Variants in VIPAS39 observed in about 807,000 individuals in gnomAD.
VIPAS39 encodes VPS33B interacting protein, apical-basolateral polarity regulator, spe-39 homolog.
VIPAS39 carries 63 observed loss-of-function variants against 84.7 expected under a neutral mutation model. The observed-to-expected ratio is 0.74, with a 90% CI of 0.61 to 0.92. The LOEUF (loss-of-function observed/expected upper bound fraction) is 0.92. Among genes scored for constraint, VIPAS39 ranks in the 40% least tolerant of loss-of-function variants. The pLI is 0.00. For missense variants in VIPAS39, 499 were observed against 604.5 expected (o/e 0.83, Z 1.83); for synonymous variants, 192 against 216.5 (o/e 0.89, Z 0.99).
chr14:77,447,383 G>A (rs1458460163), intron 7 of VIPAS39, among the ~76,000 whole-genome samples: 1 of 150,520 alleles, frequency 6.6e-6, no homozygotes, highest in Non-Finnish European at 1.5e-5. Flanking sequence ...TCACTATGTT[G>A]CCCAGCCTAG....
chr14:77,437,298 C>G (rs112581788), intron 12 of VIPAS39, among the ~76,000 whole-genome samples: 2 of 152,150 alleles, frequency 1.3e-5, no homozygotes, highest in African/African-American at 4.8e-5. Flanking sequence ...TCAAGAGCAA[C>G]GGGCATCCTG....
intron 19 of VIPAS39, 120 bp from the exon 20 acceptor site, chr14:77,427,756 A>G: frequency 7.4e-7 from 1 of 1,347,118 alleles, no homozygotes; most frequent in Non-Finnish European, 1.1e-6. Context: ...AAAAAGTAGA[A>G]TCAGATCAGG....
intron 5 of VIPAS39, 137 bp from the exon 6 acceptor site, chr14:77,449,494 G>T: frequency 2.3e-6 from 3 of 1,291,480 alleles, no homozygotes; most frequent in Non-Finnish European, 3.3e-6. Flanking sequence ...GCAGATCTCC[G>T]TTCTTCCCCA....
Position 77,443,164 on chromosome 14 carries a change from A to C in VIPAS39, c.598-12T>G, listed in dbSNP as rs1457675909. 6.2e-7 allele frequency: 1 copy of C among 1,614,184 alleles called. No homozygotes were observed. The highest frequency in any genetic ancestry group is 1.1e-5 in the South Asian group (1 of 91,080). ...AGGAAAATCAGAACCTACAGGAAAA[A>C]AGAACAAAGACTGTGCAAACTTTCC... On this transcript the variant is annotated splice_polypyrimidine_tract_variant and intron_variant, in intron 8 of 19. Coordinates refer to ENST00000557658, the MANE Select transcript of VIPAS39 (RefSeq NM_001193315.2).
At chr14:77,454,809 A>T (rs967152603) in intron 1 of VIPAS39, among the ~76,000 whole-genome samples, 9 of 152,370 alleles carry the variant, frequency 5.9e-5, no homozygotes, top group Non-Finnish European at 1.2e-4. Flanking sequence ...TTTGCTGAAT[A>T]CACAAGGAAG....
chr14:77,428,751 C>T (rs1172254789), intron 18 of VIPAS39, among the ~76,000 whole-genome samples: 2 of 152,194 alleles, frequency 1.3e-5, no homozygotes, highest in East Asian at 1.9e-4. Flanking sequence ...GAAGACTACA[C>T]AGCTTGTATA....
At chr14:77,429,866 G>A in intron 16 of VIPAS39, 99 bp from the exon 17 acceptor site, 1 of 1,010,428 alleles carries the variant, frequency 9.9e-7, no homozygotes, top group East Asian at 2.4e-5. Context: ...AATGTGGTGG[G>A]TGAGTGGGGG....
chr14:77,446,831 A>G (rs865919583), intron 7 of VIPAS39, among the ~76,000 whole-genome samples: 4 of 151,998 alleles, frequency 2.6e-5, no homozygotes, highest in Admixed American at 6.6e-5. Context: ...TTTCTTCTTG[A>G]GACAGGGTCT....
rs1376724879 is a variant in VIPAS39, at chr14:77,434,275, T to C, written c.1076A>G (p.Lys359Arg). Residue 359 changes from lysine (K) to arginine (R), a missense_variant, in exon 15 of 20, where the codon AAG (lysine) becomes AGG (arginine). Transcript: ENST00000557658. ...ATTTGTATCTACCTTAAATGTCTTC[T>C]TCAGGTTGACGGGACTGCTGAATGT... is the stretch of plus-strand genomic sequence containing the variant. ...EGTFSSPVNLKKTFKIPDKQY... is the reference protein window; with the variant it reads ...EGTFSSPVNLRKTFKIPDKQY... 2 of 1,614,178 alleles carry C rather than the reference T, an allele frequency of 1.2e-6. No individual in the cohort carries two copies. The highest frequency in any genetic ancestry group is 3.3e-5 in the Admixed American group (2 of 60,030).
chr14:77,446,148 A>C (rs1008699620), intron 7 of VIPAS39, among the ~76,000 whole-genome samples: 1 of 152,052 alleles, frequency 6.6e-6, no homozygotes, highest in Non-Finnish European at 1.5e-5. Context: ...CTAGGTAATA[A>C]ATCTTTGCCT....
intron 15 of VIPAS39, 49 bp from the exon 16 acceptor site, chr14:77,433,980 A>AT: frequency 1.1e-5 from 17 of 1,561,714 alleles, no homozygotes; most frequent in Non-Finnish European, 1.4e-5. Flanking sequence ...AAATACATCA[A>AT]TGGGGGTGCT....
intron 13 of VIPAS39, 67 bp downstream of exon 13, chr14:77,435,777 C>G: frequency 6.5e-7 from 1 of 1,544,938 alleles, no homozygotes; most frequent in Non-Finnish European, 9.0e-7. Context: ...GCATAGAAAT[C>G]TCCTAGATGC....
At chr14:77,452,985 C>T (rs969682453) in intron 3 of VIPAS39, among the ~76,000 whole-genome samples, 11 of 151,944 alleles carry the variant, frequency 7.2e-5, no homozygotes, top group African/African-American at 2.2e-4. Flanking sequence ...CCCTCTACTC[C>T]GCAGAAGACC....
At chr14:77,444,217 TTAAA>T (rs770659014) in intron 8 of VIPAS39, 28 bp downstream of exon 8, 6 of 1,596,912 alleles carry the variant, frequency 3.8e-6, no homozygotes, top group Non-Finnish European at 5.1e-6. Flanking sequence ...AAAACAATAA[TTAAA>T]CAAACAACAA....
At chr14:77,435,235 GA>G in intron 14 of VIPAS39, 23 bp downstream of exon 14, 1 of 1,613,998 alleles carries the variant, frequency 6.2e-7, no homozygotes, top group Non-Finnish European at 8.5e-7. Flanking sequence ...AGAGTTTGTG[GA>G]ATCTTCCATA....
At chr14:77,437,245 A>G (rs1262579780) in intron 12 of VIPAS39, among the ~76,000 whole-genome samples, 1 of 152,232 alleles carries the variant, frequency 6.6e-6, no homozygotes, top group Non-Finnish European at 1.5e-5. Context: ...GTAAGGAAGC[A>G]CTTTCCAATA....
At position 77,434,252 on chromosome 14, in the gene VIPAS39, T is replaced by C; in HGVS notation, c.1089+10A>G. On this transcript the variant is annotated intron_variant, in intron 15 of 19. Coordinates refer to ENST00000557658, the MANE Select transcript of VIPAS39 (RefSeq NM_001193315.2). Reference sequence around the variant, plus strand: ...CACTAGTTTCATAACACTGACCAATTTGTATCTACCTTAAATGTCTTCTTC... The same window carrying C: ...CACTAGTTTCATAACACTGACCAATCTGTATCTACCTTAAATGTCTTCTTC... The C allele has an allele frequency of 1.2e-6, 2 of 1,613,906 alleles. No individual in the cohort carries two copies. Among genetic ancestry groups the C allele is most frequent in the Non-Finnish European group, 1.7e-6 (2 of 1,179,806 alleles).
In VIPAS39 at chr14:77,429,160, A is replaced by G. The variant is rs2078479930; in HGVS notation, c.1267-65T>C. 5 of 1,466,408 alleles carry G rather than the reference A, an allele frequency of 3.4e-6. No homozygotes were observed. In the South Asian group the frequency reaches 5.7e-5, roughly 17 times the overall value. The allele number at this position is 1,466,408 out of a possible 1,614,324, so 90.8% of individuals were successfully genotyped here. On this transcript the variant is annotated intron_variant, in intron 17 of 19. Coordinates refer to ENST00000557658, the MANE Select transcript of VIPAS39 (RefSeq NM_001193315.2). ...CATAAGGCACAGAGCTCTACAAGGT[A>G]GAAAAGAAAGTCCTGAAGAAGGCAA...
chr14:77,441,029 TA>T, intron 11 of VIPAS39, 36 bp downstream of exon 11: 4 of 1,611,544 alleles, frequency 2.5e-6, no homozygotes, highest in Non-Finnish European at 3.4e-6. Flanking sequence ...AGATTTCTGT[TA>T]AACAGGTACC....
Sources: allele counts gnomAD v4.1 joint callset (sites outside exome capture counted in the v4.1 genomes callset), GRCh38; gene constraint gnomAD v4.1.1; transcripts MANE v1.5; gene names NCBI Gene and HGNC (gene_info 2026-07-23, HGNC 2026-07-21).